The following PDE7B variants were observed in gnomAD, a reference collection of about 807,000 sequenced individuals.
The protein encoded by PDE7B is 3',5'-cyclic-AMP phosphodiesterase 7B.
Under a neutral mutation model 56.2 loss-of-function variants are expected in PDE7B, and 29 were observed. That is an observed-to-expected ratio of 0.52 (90% CI 0.38 to 0.70). The LOEUF is 0.70. Among genes scored for constraint, PDE7B ranks in the 30% least tolerant of loss-of-function variants. PDE7B has a pLI of 0.00. For synonymous variants in PDE7B, 197 were observed against 196.9 expected, an observed-to-expected ratio of 1.00 and a Z score of 0.00; for missense variants, 490 against 565.0, an observed-to-expected ratio of 0.87 and a Z score of 1.35.
At chr6:136,049,632 CT>C (rs1776590002) in intron 2 of PDE7B, among the ~76,000 whole-genome samples, 1 of 152,070 alleles carries the variant, frequency 6.6e-6, no homozygotes, top group South Asian at 2.1e-4. Flanking sequence ...ACAGCTATGA[CT>C]TTAGGATGGT....
At position 136,155,635 on chromosome 6, in the gene PDE7B, C is replaced by T. The variant is rs373762233; in HGVS notation, c.588C>T (p.Ser196=). Residue 196 remains serine (S), a synonymous_variant, in exon 8 of 13, where the codon AGC becomes AGT. Transcript: ENST00000308191. ...ATTTGTTTTTTTAACAGCTTGCCAG[C>T]TTCCTCACGCCTCTGGACATCATGC... ...HCYLKEPKLA[S]FLTPLDIMLG... 1.3e-5 allele frequency: 21 copies of T among 1,601,920 alleles called. No individual in the cohort carries two copies. The African/African-American group carries it at 2.1e-4, about 16-fold the overall frequency.
At chr6:136,179,195 G>A (rs926675793) in intron 10 of PDE7B, 54 bp downstream of exon 10, 1 of 1,556,446 alleles carries the variant, frequency 6.4e-7, no homozygotes, top group East Asian at 2.2e-5. Flanking sequence ...ACTCAGCTGG[G>A]CTGGGTGTGG....
In PDE7B at chr6:135,914,485, CTTTTTTTTTTTTTTTT is replaced by C. The variant is rs759938662; in HGVS notation, c.22-32968_22-32953del. 6.2e-4 allele frequency among the ~76,000 whole-genome samples: 26 copies of C among 41,920 alleles called. 2 individuals are homozygous for C. The South Asian group carries it at 0.016, about 25-fold the overall frequency. 27.5% of individuals were successfully genotyped at this position (41,920 alleles called of 152,430 possible). A position where few individuals can be genotyped will look rare whatever the true frequency, so the allele number is the denominator to read the frequency against. ...CTGGCTTATTTCCCTTTTTATAATG[CTTTTTTTTTTTTTTTT>C]TTTTTTTTTTGAGACGGAGTCTCGC... On this transcript the variant is annotated intron_variant, in intron 1 of 12. Coordinates refer to ENST00000308191, the MANE Select transcript of PDE7B (RefSeq NM_018945.4).
chr6:135,897,708 A>G (rs2128191171), intron 1 of PDE7B, among the ~76,000 whole-genome samples: 1 of 152,356 alleles, frequency 6.6e-6, no homozygotes, highest in Middle Eastern at 3.4e-3. Flanking sequence ...ACTTCAATTT[A>G]GGCACTAAAT....
rs537251633 is a variant in PDE7B at position 136,187,171 on chromosome 6, A to T, written c.1126+55A>T. The T allele has an allele frequency of 7.9e-6, 7 of 880,980 alleles. No homozygotes were observed. In the East Asian group the frequency reaches 1.2e-4, roughly 15 times the overall value. The allele number at this position is 880,980 out of a possible 1,614,324, so 54.6% of individuals were successfully genotyped here. Reference sequence around the variant, plus strand: ...AAATACCTTTGGCACATCTCACAAAAGTGACAAAGAAAAGATCTAAACACA... The same window carrying T: ...AAATACCTTTGGCACATCTCACAAATGTGACAAAGAAAAGATCTAAACACA... On this transcript the variant is annotated intron_variant, in intron 12 of 12. Transcript: ENST00000308191.
intron 11 of PDE7B, among the ~76,000 whole-genome samples, chr6:136,185,939 C>G (rs1408308845): frequency 6.6e-6 from 1 of 152,028 alleles, no homozygotes; most frequent in Non-Finnish European, 1.5e-5. Context: ...ACAAAAATTA[C>G]TCAATTTGTT....
chr6:136,004,905 A>G (rs992301126), intron 2 of PDE7B, among the ~76,000 whole-genome samples: 89 of 152,128 alleles, frequency 5.9e-4, no homozygotes, highest in African/African-American at 2.0e-3. Flanking sequence ...AGTCAATCCT[A>G]AGCCAAAAGA....
intron 3 of PDE7B, among the ~76,000 whole-genome samples, chr6:136,133,813 G>C (rs1158751411): frequency 6.6e-6 from 1 of 152,122 alleles, no homozygotes; most frequent in Non-Finnish European, 1.5e-5. Context: ...ACTTGAGGTG[G>C]GCTGCCGAAG....
At chr6:135,958,343 ATCTTTG>A (rs1774837021) in intron 2 of PDE7B, among the ~76,000 whole-genome samples, 1 of 152,334 alleles carries the variant, frequency 6.6e-6, no homozygotes, top group Non-Finnish European at 1.5e-5. Flanking sequence ...CCATCTAGGA[ATCTTTG>A]TATACATCAA....
At position 136,155,758 on chromosome 6, in the gene PDE7B, G is replaced by C; in HGVS notation, c.711G>C (p.Gln237His). 6.2e-7 allele frequency: 1 copy of C among 1,614,002 alleles called. No individual in the cohort carries two copies. Among genetic ancestry groups the C allele is most frequent in the Non-Finnish European group, 8.5e-7 (1 of 1,179,962 alleles). ...KTNHHLANLYQNMSVLENHHW... is the reference protein window; with the variant it reads ...KTNHHLANLYHNMSVLENHHW... The stretch of plus-strand genomic sequence containing the variant: ...ACCACCATCTTGCAAACCTATATCA[G>C]GTAAGGGAGCCCAACCTGGAGCCAG... The change falls in exon 8 of 13, where the codon CAG (glutamine) becomes CAC (histidine). Residue 237 changes from glutamine to histidine, a missense_variant and splice_region_variant. By Grantham distance (24) the Gln-to-His change is conservative (BLOSUM62 0). Coordinates refer to ENST00000308191, the MANE Select transcript of PDE7B (RefSeq NM_018945.4).
intron 2 of PDE7B, among the ~76,000 whole-genome samples, chr6:135,955,566 A>G (rs1343613726): frequency 6.6e-6 from 1 of 152,204 alleles, no homozygotes; most frequent in African/African-American, 2.4e-5. Context: ...GAGCCTTATA[A>G]TAGGACAAAT....
At chr6:135,986,748 T>C (rs1233723420) in intron 2 of PDE7B, among the ~76,000 whole-genome samples, 2 of 152,230 alleles carry the variant, frequency 1.3e-5, no homozygotes, top group African/African-American at 4.8e-5. Context: ...CAAGTTTTCT[T>C]TCAGAAAGGA....
At chr6:136,125,974 TA>T (rs112044793) in intron 3 of PDE7B, among the ~76,000 whole-genome samples, 337 of 151,562 alleles carry the variant, frequency 2.2e-3, no homozygotes, top group African/African-American at 7.6e-3. Context: ...TCTCATAAGT[TA>T]AAAAAAAATC....
chr6:135,936,173 G>A (rs1583782798), intron 1 of PDE7B, among the ~76,000 whole-genome samples: 1 of 152,174 alleles, frequency 6.6e-6, no homozygotes, highest in Non-Finnish European at 1.5e-5. Context: ...ATGTACAGGA[G>A]CATTGCTACA....
chr6:136,025,965 T>C (rs1054242312), intron 2 of PDE7B, among the ~76,000 whole-genome samples: 2 of 152,248 alleles, frequency 1.3e-5, no homozygotes, highest in Admixed American at 1.3e-4. Context: ...GCAGCCTTGC[T>C]AAATGGCTCC....
chr6:136,114,985 TA>T (rs1777808078), intron 3 of PDE7B: 1 of 152,132 alleles, frequency 6.6e-6, no homozygotes, highest in African/African-American at 2.4e-5. Context: ...AAATGCCCAC[TA>T]GCTTGCAGAA....
chr6:135,964,028 C>A (rs558965611), intron 2 of PDE7B, among the ~76,000 whole-genome samples: 1 of 152,100 alleles, frequency 6.6e-6, no homozygotes, highest in African/African-American at 2.4e-5. Flanking sequence ...TCATCTAGTT[C>A]ATTGTTCTCT....
At chr6:135,926,228 A>C (rs1774185633) in intron 1 of PDE7B, among the ~76,000 whole-genome samples, 1 of 151,690 alleles carries the variant, frequency 6.6e-6, no homozygotes, top group South Asian at 2.1e-4. Flanking sequence ...CTGGGACTAC[A>C]GGCACCCGCC....
chr6:136,010,736 G>T (rs958419090), intron 2 of PDE7B, among the ~76,000 whole-genome samples: 3 of 152,042 alleles, frequency 2.0e-5, no homozygotes, highest in African/African-American at 4.8e-5. Context: ...TTGACACATG[G>T]GGATTACAAT....
Sources: gnomAD v4.1 joint callset for allele counts (sites outside exome capture counted in the v4.1 genomes callset) on GRCh38, gnomAD v4.1.1 for gene constraint, MANE v1.5 for transcripts, NCBI Gene and HGNC (gene_info 2026-07-23, HGNC 2026-07-21) for gene names.